DPYD: variants seen among roughly 807,000 people sequenced by gnomAD.
The protein encoded by DPYD is dihydropyrimidine dehydrogenase [NADP(+)].
DPYD carries 109 observed loss-of-function variants against 116.2 expected under a neutral mutation model. The ratio of observed to expected loss-of-function variants is 0.94; its 90% CI spans 0.80 to 1.10. The LOEUF (loss-of-function observed/expected upper bound fraction) is 1.10. Ranked by LOEUF, DPYD falls within the 50% of genes least tolerant of loss-of-function variation. The pLI is 0.00. For synonymous variants in DPYD, 440 were observed against 432.0 expected (o/e 1.02, Z -0.23); for missense variants, 1,302 against 1,254.5 (o/e 1.04, Z -0.57).
chr1:97,911,352 C>G (rs1673924906), intron 1 of DPYD, among the ~76,000 whole-genome samples: 1 of 152,050 alleles, frequency 6.6e-6, no homozygotes, highest in African/African-American at 2.4e-5. Context: ...AAATTTTTCT[C>G]TGCAAATGTT....
At chr1:97,608,425 C>T (rs927823596) in intron 8 of DPYD, among the ~76,000 whole-genome samples, 4 of 151,896 alleles carry the variant, frequency 2.6e-5, no homozygotes, top group African/African-American at 4.8e-5. Context: ...GGTACATTCA[C>T]GTCTGGTTCA....
chr1:97,699,506 C>A lies in DPYD; in HGVS notation c.525G>T (p.Ser175=), dbSNP rs6670886. Residue 175 remains serine, a synonymous_variant, in exon 6 of 23, where the codon TCG becomes TCT. Transcript: ENST00000370192. The part of the protein sequence containing the change: ...AMSIPQIRNP[S]LPPPEKMSEA... ...CAGACATTTTTTCTGGGGGAGGCAGCGAAGGATTTCTGATCTGTGGGATAC... is the reference window on the plus strand; with the variant it reads ...CAGACATTTTTTCTGGGGGAGGCAGAGAAGGATTTCTGATCTGTGGGATAC... 2 of 1,613,246 alleles carry A rather than the reference C, an allele frequency of 1.2e-6. No homozygotes were observed. The highest frequency in any genetic ancestry group is 4.5e-5 in the East Asian group (2 of 44,882).
At chr1:97,265,500 G>A (rs1466044711) in intron 18 of DPYD, 1 of 152,102 alleles carries the variant, frequency 6.6e-6, no homozygotes, top group Non-Finnish European at 1.5e-5. Context: ...ACAAATATAT[G>A]TTTAATGGAT....
chr1:97,253,373 G>T (rs1024500503), intron 18 of DPYD, among the ~76,000 whole-genome samples: 29 of 152,194 alleles, frequency 1.9e-4, no homozygotes, highest in African/African-American at 7.0e-4. Flanking sequence ...TTCTTTAAAA[G>T]ATTTTTTAGT....
intron 12 of DPYD, among the ~76,000 whole-genome samples, chr1:97,527,482 G>A (rs1009199125): frequency 6.6e-6 from 1 of 151,834 alleles, no homozygotes; most frequent in East Asian, 1.9e-4. Flanking sequence ...AACACACAGA[G>A]TACATATACA....
chr1:97,345,906 CA>C (rs1669817012), intron 16 of DPYD, among the ~76,000 whole-genome samples: 1 of 151,860 alleles, frequency 6.6e-6, no homozygotes, highest in African/African-American at 2.4e-5. Context: ...ATTTTTTTTA[CA>C]AGACTTTCCC....
At chr1:97,692,541 T>C (rs1398832509) in intron 6 of DPYD, among the ~76,000 whole-genome samples, 1 of 152,234 alleles carries the variant, frequency 6.6e-6, no homozygotes, top group Non-Finnish European at 1.5e-5. Flanking sequence ...TGTATGTCCA[T>C]GAATACACAG....
chr1:97,839,375 T>G (rs1334825997), intron 2 of DPYD, among the ~76,000 whole-genome samples: 1 of 152,168 alleles, frequency 6.6e-6, no homozygotes, highest in African/African-American at 2.4e-5. Flanking sequence ...GATTACTACC[T>G]TTCTATAGTT....
chr1:97,858,870 T>G (rs1395409832), intron 2 of DPYD, among the ~76,000 whole-genome samples: 1 of 152,152 alleles, frequency 6.6e-6, no homozygotes, highest in East Asian at 1.9e-4. Flanking sequence ...AAATGCAGAA[T>G]GTGTTTGACA....
chr1:97,699,970 T>C (rs776658689), intron 5 of DPYD, among the ~76,000 whole-genome samples: 9 of 152,244 alleles, frequency 5.9e-5, no homozygotes, highest in African/African-American at 1.9e-4. Flanking sequence ...GGAGTTAGCA[T>C]TGCGATGGCA....
At chr1:97,322,639 T>A (rs1668364764) in intron 16 of DPYD, 1 of 151,980 alleles carries the variant, frequency 6.6e-6, no homozygotes, top group African/African-American at 2.4e-5. Context: ...CATGTGGTGG[T>A]TTATAAGCAT....
At chr1:97,658,135 G>A (rs1023014890) in intron 8 of DPYD, among the ~76,000 whole-genome samples, 2 of 152,224 alleles carry the variant, frequency 1.3e-5, no homozygotes, top group Admixed American at 1.3e-4. Flanking sequence ...GGTTATACTA[G>A]AATTCAATGG....
chr1:97,847,082 A>C (rs1427694238), intron 2 of DPYD, among the ~76,000 whole-genome samples: 1 of 152,196 alleles, frequency 6.6e-6, no homozygotes, highest in Non-Finnish European at 1.5e-5. Context: ...ACGGATTGCC[A>C]TGAATTTAGA....
At chr1:97,684,612 A>G (rs1660617611) in intron 7 of DPYD, among the ~76,000 whole-genome samples, 1 of 151,966 alleles carries the variant, frequency 6.6e-6, no homozygotes, top group African/African-American at 2.4e-5. Flanking sequence ...TAGACTAATG[A>G]AGAAAAAAGA....
At chr1:97,306,481 C>T (rs1036839235) in intron 16 of DPYD, among the ~76,000 whole-genome samples, 184 bp from the exon 17 acceptor site, 2 of 151,936 alleles carry the variant, frequency 1.3e-5, no homozygotes, top group African/African-American at 2.4e-5. Flanking sequence ...AAGGTTAACA[C>T]ACTTCAAGTG....
Position 97,442,376 on chromosome 1 carries a change from A to T in DPYD, c.1905+7683T>A, listed in dbSNP as rs202122491. 2.5e-4 allele frequency among the ~76,000 whole-genome samples: 38 copies of T among 149,556 alleles called. No individual in the cohort carries two copies. The East Asian group carries it at 7.0e-3, about 28-fold the overall frequency. The stretch of plus-strand genomic sequence containing the variant: ...CCATTTCCATCTAGGATGCACTAAC[A>T]TTTTATTTTAAAGAACTACGAATGT... On this transcript the variant is annotated intron_variant, in intron 14 of 22. Transcript: ENST00000370192.
intron 2 of DPYD, among the ~76,000 whole-genome samples, chr1:97,831,263 T>C (rs1269216241): frequency 6.6e-6 from 1 of 152,266 alleles, no homozygotes; most frequent in East Asian, 1.9e-4. Context: ...CTAACATCTT[T>C]ATCTGCTCAA....
intron 3 of DPYD, among the ~76,000 whole-genome samples, chr1:97,825,398 T>C (rs537022120): frequency 1.3e-5 from 2 of 152,056 alleles, no homozygotes; most frequent in South Asian, 2.1e-4. Flanking sequence ...GCAGCCACAA[T>C]AGGACAATCT....
chr1:97,569,225 CT>C lies in DPYD; in HGVS notation c.1339+4534del, dbSNP rs772433438. The stretch of plus-strand genomic sequence containing the variant: ...ACAGAAATTTGGGCCCACTTAACAA[CT>C]GCCAGTTTGGTTCCAACAAGAAAGA... On this transcript the variant is annotated intron_variant, in intron 11 of 22. Coordinates refer to ENST00000370192, the MANE Select transcript of DPYD (RefSeq NM_000110.4). Among the ~76,000 whole-genome samples the C allele has an allele frequency of 1.5e-4, 23 of 151,800 alleles. 1 individual carries two copies. Among genetic ancestry groups the C allele is most frequent in the Admixed American group, 1.3e-3 (20 of 15,186 alleles).
Sources: gnomAD v4.1 joint callset for allele counts (sites outside exome capture counted in the v4.1 genomes callset) on GRCh38, gnomAD v4.1.1 for gene constraint, MANE v1.5 for transcripts, NCBI Gene and HGNC (gene_info 2026-07-23, HGNC 2026-07-21) for gene names.